The following DTD1 variants were observed in gnomAD, a reference collection of about 807,000 sequenced individuals.
DTD1 encodes the protein D-tyrosyl-tRNA deacylase 1 homolog.
A neutral mutation model predicts 25.6 loss-of-function variants in DTD1; 13 were observed. That is an observed-to-expected ratio of 0.51 (90% confidence interval 0.33 to 0.81). The LOEUF (loss-of-function observed/expected upper bound fraction) is 0.81, where lower values mean the gene tolerates loss of function less well. DTD1 is among the 30% of genes least tolerant of loss of function. The pLI is 0.02. For missense variants in DTD1, 193 were observed against 266.4 expected (o/e 0.72, Z 1.92); for synonymous variants, 110 against 103.6 (o/e 1.06, Z -0.37).
chr20:18,758,556 T>C (rs1216449596), intron 5 of DTD1, among the ~76,000 whole-genome samples: 2 of 152,256 alleles, frequency 1.3e-5, no homozygotes, highest in Non-Finnish European at 2.9e-5. Flanking sequence ...GAGCAGGTTG[T>C]TCAGTTTCCA....
At chr20:18,588,236 C>G in intron 1 of DTD1, 121 bp downstream of exon 1, 1 of 983,082 alleles carries the variant, frequency 1.0e-6, no homozygotes, top group Non-Finnish European at 1.3e-6. Context: ...CGAGCCTGGT[C>G]CCCTTCGCGA....
Position 18,717,892 on chromosome 20 carries a change from A to G in DTD1, c.478-26208A>G, listed in dbSNP as rs140095260. On this transcript the variant is annotated intron_variant, in intron 4 of 5. Coordinates refer to ENST00000377452, the MANE Select transcript of DTD1 (RefSeq NM_080820.6). ...CAGTGGATGTGGAGAAATTAGTTAG[A>G]ATTCTCCTCTAAACTGAAAAAAAAT... Among the ~76,000 whole-genome samples, 325 of 152,344 alleles carry G rather than the reference A, an allele frequency of 2.1e-3. 2 individuals are homozygous for G. The highest frequency in any genetic ancestry group is 7.4e-3 in the African/African-American group (306 of 41,582).
At position 18,762,265 on chromosome 20, in the gene DTD1, A is replaced by G. The variant is rs185877124; in HGVS notation, c.*20-1095A>G. The stretch of plus-strand genomic sequence containing the variant: ...AAATCTTTTGCTTTTACTGAAGTCC[A>G]TCCAATTAGAATCTAGATCTGAGGG... On this transcript the variant is annotated intron_variant, in intron 5 of 5. Transcript: ENST00000377452. Among the ~76,000 whole-genome samples, 13 of 152,342 alleles carry G rather than the reference A, an allele frequency of 8.5e-5. No homozygotes were observed. The East Asian group carries it at 1.5e-3, about 18-fold the overall frequency.
intron 4 of DTD1, chr20:18,632,690 A>G: frequency 1.0e-6 from 1 of 971,430 alleles, no homozygotes; most frequent in Non-Finnish European, 1.2e-6. Flanking sequence ...GCAAATTTCA[A>G]CGTTATAGAA....
chr20:18,758,220 C>T (rs11907075), intron 5 of DTD1, among the ~76,000 whole-genome samples: 2,023 of 152,144 alleles, frequency 0.013, 25 homozygotes, highest in African/African-American at 0.019. Flanking sequence ...TTCAAAAAAC[C>T]AGCTCCTGGA....
intron 4 of DTD1, among the ~76,000 whole-genome samples, chr20:18,724,649 G>A (rs184571920): frequency 9.2e-5 from 14 of 152,300 alleles, no homozygotes; most frequent in African/African-American, 3.4e-4. Flanking sequence ...TATCAAGTTT[G>A]TAACCTAGAA....
chr20:18,758,656 C>T (rs879459618), intron 5 of DTD1, among the ~76,000 whole-genome samples: 2 of 152,070 alleles, frequency 1.3e-5, no homozygotes, highest in Non-Finnish European at 2.9e-5. Flanking sequence ...GTAATTTGTT[C>T]TTTTACATTT....
intron 4 of DTD1, among the ~76,000 whole-genome samples, chr20:18,659,553 T>G (rs2060901778): frequency 6.6e-6 from 1 of 152,360 alleles, no homozygotes; most frequent in Non-Finnish European, 1.5e-5. Flanking sequence ...GAGTTTATTA[T>G]GGTTAATCAA....
chr20:18,620,137 G>A (rs1464900629), intron 3 of DTD1: 1 of 151,990 alleles, frequency 6.6e-6, no homozygotes, highest in African/African-American at 2.4e-5. Context: ...CTCCCACATT[G>A]TCCTTTAGAG....
At chr20:18,606,745 A>T (rs2122266982) in intron 3 of DTD1, among the ~76,000 whole-genome samples, 1 of 109,776 alleles carries the variant, frequency 9.1e-6, no homozygotes, top group Admixed American at 1.1e-4. Flanking sequence ...ACATGGACAC[A>T]GGAAGGGGAA....
chr20:18,618,615 A>G (rs865995451), intron 3 of DTD1, among the ~76,000 whole-genome samples: 50 of 150,316 alleles, frequency 3.3e-4, no homozygotes, highest in Middle Eastern at 3.6e-3. Context: ...ATGTGTGTGT[A>G]TATATGTATA....
At chr20:18,715,299 C>T (rs903410395) in intron 4 of DTD1, among the ~76,000 whole-genome samples, 2 of 152,154 alleles carry the variant, frequency 1.3e-5, no homozygotes, top group East Asian at 3.8e-4. Flanking sequence ...TGACTGGGAC[C>T]CCTGTTGTTG....
chr20:18,588,238 C>T (rs1373681325), intron 1 of DTD1, 123 bp downstream of exon 1: 3 of 963,802 alleles, frequency 3.1e-6, no homozygotes, highest in African/African-American at 1.7e-5. Flanking sequence ...AGCCTGGTCC[C>T]CTTCGCGAGC....
At chr20:18,727,654 G>A (rs2061227110) in intron 4 of DTD1, among the ~76,000 whole-genome samples, 1 of 152,114 alleles carries the variant, frequency 6.6e-6, no homozygotes, top group South Asian at 2.1e-4. Context: ...GAAGACCCCT[G>A]TTTTTAGCTG....
chr20:18,724,745 C>A (rs537936300), intron 4 of DTD1, among the ~76,000 whole-genome samples: 1 of 152,210 alleles, frequency 6.6e-6, no homozygotes, highest in African/African-American at 2.4e-5. Flanking sequence ...AGCCTTCCCT[C>A]CCCTGGAAAG....
At chr20:18,750,023 C>T (rs773470598) in intron 5 of DTD1, among the ~76,000 whole-genome samples, 2 of 152,292 alleles carry the variant, frequency 1.3e-5, no homozygotes, top group Non-Finnish European at 2.9e-5. Context: ...TCAGCAGTGA[C>T]GGTGTCAGGC....
At chr20:18,722,692 A>C (rs1451124840) in intron 4 of DTD1, among the ~76,000 whole-genome samples, 2 of 152,170 alleles carry the variant, frequency 1.3e-5, no homozygotes, top group Non-Finnish European at 2.9e-5. Flanking sequence ...TTCCCTGCTG[A>C]GTAAAATAAG....
intron 4 of DTD1, among the ~76,000 whole-genome samples, chr20:18,689,456 T>C (rs1023422005): frequency 1.3e-5 from 2 of 152,186 alleles, no homozygotes; most frequent in Admixed American, 6.5e-5. Flanking sequence ...CGGTTTCTTG[T>C]TGTTTTCATT....
chr20:18,631,463 C>T (rs183290449), intron 4 of DTD1: 754 of 985,634 alleles, frequency 7.6e-4, no homozygotes, highest in Non-Finnish European at 8.7e-4. Flanking sequence ...CTGTCTGCCT[C>T]TCACAGTCAT....
Sources: allele counts gnomAD v4.1 joint callset (sites outside exome capture counted in the v4.1 genomes callset), GRCh38; gene constraint gnomAD v4.1.1; transcripts MANE v1.5; gene names NCBI Gene and HGNC (gene_info 2026-07-23, HGNC 2026-07-21).